GARNL3: variants seen among roughly 807,000 people sequenced by gnomAD.
GARNL3 encodes the protein GTPase activating Rap/RanGAP domain like 3, also known as GTPase-activating Rap/Ran-GAP domain-like protein 3.
A neutral mutation model predicts 125.0 loss-of-function variants in GARNL3; 63 were observed. That is an observed-to-expected ratio of 0.50 (90% CI 0.41 to 0.62). The LOEUF is 0.62. GARNL3 is among the 20% of genes least tolerant of loss of function. GARNL3 has a pLI of 0.00. For synonymous variants in GARNL3, 439 were observed against 457.5 expected (o/e 0.96, Z 0.52); for missense variants, 994 against 1,244.0 (o/e 0.80, Z 3.02).
intron 1 of GARNL3, among the ~76,000 whole-genome samples, chr9:127,227,707 T>C (rs2062938923): frequency 6.6e-6 from 1 of 152,058 alleles, no homozygotes; most frequent in Non-Finnish European, 1.5e-5. Flanking sequence ...GCTTGAGGCC[T>C]CAGGAGTTCA....
intron 2 of GARNL3, among the ~76,000 whole-genome samples, chr9:127,304,103 C>T (rs2064878772): frequency 6.6e-6 from 1 of 152,212 alleles, no homozygotes; most frequent in Non-Finnish European, 1.5e-5. Context: ...AAAGTGTACT[C>T]ATCAGCCTAT....
intron 22 of GARNL3, among the ~76,000 whole-genome samples, chr9:127,368,330 CT>C (rs113907432): frequency 0.32 from 41,146 of 128,866 alleles, 6,431 homozygotes; most frequent in Middle Eastern, 0.49. Flanking sequence ...AAATACATTT[CT>C]TTTTTTTTTT....
intron 4 of GARNL3, among the ~76,000 whole-genome samples, chr9:127,316,734 A>G (rs549397711): frequency 6.6e-6 from 1 of 152,306 alleles, no homozygotes; most frequent in African/African-American, 2.4e-5. Flanking sequence ...CTCCAAAGAC[A>G]TCCTCCTCCC....
chr9:127,248,854 G>T (rs1394418220), intron 2 of GARNL3, among the ~76,000 whole-genome samples: 1 of 151,854 alleles, frequency 6.6e-6, no homozygotes, highest in African/African-American at 2.4e-5. Flanking sequence ...AAAGAGATCT[G>T]CCTGCCTCAG....
intron 22 of GARNL3, among the ~76,000 whole-genome samples, chr9:127,380,430 A>G (rs895629468): frequency 6.6e-6 from 1 of 152,216 alleles, no homozygotes; most frequent in East Asian, 1.9e-4. Flanking sequence ...TGTGACTTAC[A>G]TATAACCCAG....
chr9:127,285,158 G>A (rs1442839079), intron 1 of GARNL3, among the ~76,000 whole-genome samples: 1 of 151,898 alleles, frequency 6.6e-6, no homozygotes, highest in African/African-American at 2.4e-5. Flanking sequence ...CCTTTTCTGG[G>A]CCAGACATGG....
chr9:127,269,336 G>C (rs545066630), intron 1 of GARNL3, among the ~76,000 whole-genome samples: 3 of 152,278 alleles, frequency 2.0e-5, no homozygotes, highest in Admixed American at 2.0e-4. Context: ...CACTTGCGTT[G>C]TTTCTACATT....
intron 2 of GARNL3, among the ~76,000 whole-genome samples, chr9:127,243,589 C>T (rs2063240974): frequency 6.6e-6 from 1 of 152,212 alleles, no homozygotes. Flanking sequence ...ATGAAATGTG[C>T]TGCCTTGATT....
intron 19 of GARNL3, among the ~76,000 whole-genome samples, chr9:127,354,685 G>C (rs1282880225): frequency 6.6e-6 from 1 of 152,166 alleles, no homozygotes; most frequent in Non-Finnish European, 1.5e-5. Flanking sequence ...TGTTTAGACT[G>C]GTTCCCAGAG....
intron 22 of GARNL3, among the ~76,000 whole-genome samples, chr9:127,377,241 A>T (rs1831967271): frequency 6.6e-6 from 1 of 152,212 alleles, no homozygotes; most frequent in Admixed American, 6.5e-5. Context: ...CCAGAAATAA[A>T]CTCAAGTATA....
intron 17 of GARNL3, 21 bp downstream of exon 17, chr9:127,349,056 A>G: frequency 1.3e-6 from 2 of 1,520,554 alleles, no homozygotes; most frequent in Non-Finnish European, 9.1e-7. Flanking sequence ...AGCTGCTCCT[A>G]CAAATGTCTT....
intron 22 of GARNL3, among the ~76,000 whole-genome samples, chr9:127,368,715 A>G (rs1831435891): frequency 6.8e-6 from 1 of 147,518 alleles, no homozygotes; most frequent in Admixed American, 6.8e-5. Flanking sequence ...CGGGCAGATC[A>G]TTTGAGGTCA....
At chr9:127,368,072 G>T (rs1177227305) in intron 22 of GARNL3, among the ~76,000 whole-genome samples, 2 of 143,844 alleles carry the variant, frequency 1.4e-5, no homozygotes, top group Admixed American at 7.2e-5. Flanking sequence ...CTGGAGTATG[G>T]TGGTGTGATC....
chr9:127,257,079 A>T (rs568702488), intron 2 of GARNL3, among the ~76,000 whole-genome samples: 21 of 152,340 alleles, frequency 1.4e-4, no homozygotes, highest in Middle Eastern at 3.4e-3. Context: ...CTGGAGATTA[A>T]TCCAAGTTGT....
rs1347452390 is a variant in GARNL3 at position 127,389,017 on chromosome 9, C to G, written c.2641C>G (p.Pro881Ala). Reference sequence around the variant, plus strand: ...CTCCAAGGTCATCACCCCACCCACTCCCATCAGTGTGGGCCTTGCTGCCAT... The same window carrying G: ...CTCCAAGGTCATCACCCCACCCACTGCCATCAGTGTGGGCCTTGCTGCCAT... ...LVSKVITPPT[P>A]ISVGLAAIPV... The change falls in exon 26 of 28, where the codon CCC (proline) becomes GCC (alanine). Residue 881 changes from proline to alanine, a missense_variant. Around this residue, in one of 5 missense-constraint regions of GARNL3, gnomAD observed 728 missense variants for 865.7 expected, o/e 0.84. Transcript: ENST00000373387. 2 of 1,613,840 alleles carry G rather than the reference C, an allele frequency of 1.2e-6. No homozygotes were observed. The highest frequency in any genetic ancestry group is 4.5e-5 in the East Asian group (2 of 44,892).
Position 127,264,838 on chromosome 9 carries a change from G to C in GARNL3, c.-40G>C. On this transcript the variant is annotated 5_prime_UTR_variant, in exon 1 of 28. Coordinates refer to ENST00000373387, the MANE Select transcript of GARNL3 (RefSeq NM_032293.5). Reference sequence around the variant, plus strand: ...GGAGGCTCCCCTGCAGTGAGGAGCCGGGGCACTGCAAGTCTGTTCCATAGC... The same window carrying C: ...GGAGGCTCCCCTGCAGTGAGGAGCCCGGGCACTGCAAGTCTGTTCCATAGC... 1.3e-6 allele frequency: 2 copies of C among 1,493,316 alleles called. No homozygotes were observed. Among genetic ancestry groups the C allele is most frequent in the Non-Finnish European group, 1.8e-6 (2 of 1,109,684 alleles). 92.5% of individuals were successfully genotyped at this position (1,493,316 alleles called of 1,614,324 possible).
chr9:127,244,248 G>A (rs1327846186), intron 2 of GARNL3, among the ~76,000 whole-genome samples: 2 of 152,190 alleles, frequency 1.3e-5, no homozygotes, highest in East Asian at 1.9e-4. Flanking sequence ...CGTGAATAAC[G>A]TGCTAAAGGA....
intron 2 of GARNL3, among the ~76,000 whole-genome samples, chr9:127,256,601 T>C (rs998321370): frequency 6.6e-6 from 1 of 152,226 alleles, no homozygotes; most frequent in African/African-American, 2.4e-5. Flanking sequence ...GCCTGGTACC[T>C]TGTAGGTACT....
intron 1 of GARNL3, among the ~76,000 whole-genome samples, chr9:127,274,179 T>C (rs1419137366): frequency 6.6e-6 from 1 of 152,208 alleles, no homozygotes; most frequent in Non-Finnish European, 1.5e-5. Flanking sequence ...GTCTCCTCCC[T>C]ACCCTACTTT....
Sources: allele counts gnomAD v4.1 joint callset (sites outside exome capture counted in the v4.1 genomes callset), GRCh38; gene constraint gnomAD v4.1.1; regional missense constraint gnomAD v4.1.1; transcripts MANE v1.5; gene names NCBI Gene and HGNC (gene_info 2026-07-23, HGNC 2026-07-21).